Variants in NOTCH1 observed in about 807,000 individuals in gnomAD.
NOTCH1 encodes the protein notch receptor 1, also known as neurogenic locus notch homolog protein 1.
A neutral mutation model predicts 254.8 loss-of-function variants in NOTCH1; 37 were observed. That is an observed-to-expected ratio of 0.15 (90% CI 0.11 to 0.19). The LOEUF (loss-of-function observed/expected upper bound fraction) is 0.19, where lower values mean the gene tolerates loss of function less well. Ranked by LOEUF, NOTCH1 falls within the 10% of genes least tolerant of loss-of-function variation. The pLI is 1.00. For missense variants in NOTCH1, 2,972 were observed against 3,708.6 expected, an observed-to-expected ratio of 0.80 and a Z score of 5.16; for synonymous variants, 1,731 against 1,618.1, an observed-to-expected ratio of 1.07 and a Z score of -1.68.
intron 4 of NOTCH1, among the ~76,000 whole-genome samples, chr9:136,520,290 T>G (rs889276359): frequency 2.0e-5 from 3 of 151,276 alleles, no homozygotes; most frequent in Non-Finnish European, 3.0e-5. Flanking sequence ...CCCGTTGCCC[T>G]TGGAGCTCCC....
chr9:136,515,241 T>C (rs368488467), intron 12 of NOTCH1, 49 bp downstream of exon 12: 1 of 1,569,752 alleles, frequency 6.4e-7, no homozygotes, highest in Non-Finnish European at 8.8e-7. Flanking sequence ...GTGGCTGACC[T>C]TGACCTCTGA....
At position 136,545,646 on chromosome 9, in the gene NOTCH1, C is replaced by T. The variant is rs1843804469; in HGVS notation, c.61+80G>A. 1 of 1,173,110 alleles carries T rather than the reference C, an allele frequency of 8.5e-7. No homozygotes were observed. Among genetic ancestry groups the T allele is most frequent in the Non-Finnish European group, 1.1e-6 (1 of 877,486 alleles). 72.7% of individuals were successfully genotyped at this position (1,173,110 alleles called of 1,614,324 possible). On this transcript the variant is annotated intron_variant, in intron 1 of 33. Transcript: ENST00000651671. The surrounding 1 kb of genome is among the most constrained non-coding windows in gnomAD (Gnocchi z 6.8). ...GGCCTCCCCGCCGCCCGCTCCCAGC[C>T]GTGGGGCGCGCGCGCCGGGCGCCGC...
At chr9:136,535,840 A>G (rs1361620001) in intron 2 of NOTCH1, among the ~76,000 whole-genome samples, 3 of 86,498 alleles carry the variant, frequency 3.5e-5, no homozygotes, top group Non-Finnish European at 4.3e-5. Flanking sequence ...TGGAGGGGGG[A>G]TCACTCAGGA....
In NOTCH1 at chr9:136,519,457, G is replaced by A. The variant is rs376104770; in HGVS notation, c.851C>T (p.Pro284Leu). The A allele has an allele frequency of 9.1e-5, 146 of 1,612,874 alleles. No homozygotes were observed. The highest frequency in any genetic ancestry group is 1.1e-4 in the Non-Finnish European group (132 of 1,179,900). The stretch of plus-strand genomic sequence containing the variant: ...CGTATACGCGCCTGTCCACTCTGGC[G>A]GGCAGCGGCAGTTGTAGGTGTTCAC... ...DGVNTYNCRC[P>L]PEWTGQYCTE... Residue 284 changes from proline to leucine, a missense_variant, in exon 5 of 34, where the codon CCG becomes CTG. Transcript: ENST00000651671.
Position 136,515,719 on chromosome 9 carries a change from G to A in NOTCH1, c.1670-3C>T, listed in dbSNP as rs1161943700. 1 of 1,536,128 alleles carries A rather than the reference G, an allele frequency of 6.5e-7. No individual in the cohort carries two copies. The highest frequency in any genetic ancestry group is 1.2e-5 in the South Asian group (1 of 84,278). On this transcript the variant is annotated splice_region_variant and splice_polypyrimidine_tract_variant and intron_variant, in intron 10 of 33. Transcript: ENST00000651671. The stretch of plus-strand genomic sequence containing the variant: ...CTCGCAGTGCGTCCCCGTGTACCCT[G>A]GACCGTGGGAGGGGCGGGCACAGGA...
chr9:136,529,459 A>G (rs1035470914), intron 2 of NOTCH1, among the ~76,000 whole-genome samples: 16 of 152,174 alleles, frequency 1.1e-4, no homozygotes, highest in African/African-American at 3.9e-4. Flanking sequence ...CTAAGAAATG[A>G]GCTGGGCAGG....
At position 136,507,455 on chromosome 9, in the gene NOTCH1, C is replaced by G. The variant is rs780629106; in HGVS notation, c.3511-18G>C. ...GCCACGCACTGTGCAGGCGACAGAA[C>G]GAGGGGCCCTTCGGCTCAGCCGGCG... On this transcript the variant is annotated intron_variant, in intron 21 of 33. Coordinates refer to ENST00000651671, the MANE Select transcript of NOTCH1 (RefSeq NM_017617.5). The G allele has an allele frequency of 1.9e-6, 3 of 1,593,198 alleles. No individual in the cohort carries two copies. The highest frequency in any genetic ancestry group is 2.3e-5 in the East Asian group (1 of 44,028).
At chr9:136,528,223 G>C (rs575872525) in intron 2 of NOTCH1, among the ~76,000 whole-genome samples, 43 of 145,446 alleles carry the variant, frequency 3.0e-4, no homozygotes, top group African/African-American at 1.0e-3. Flanking sequence ...GGCAGAGGCC[G>C]AGCAGAGGGG....
chr9:136,526,850 G>A (rs1041114513), intron 2 of NOTCH1, among the ~76,000 whole-genome samples: 26 of 152,338 alleles, frequency 1.7e-4, no homozygotes, highest in African/African-American at 5.3e-4. Flanking sequence ...GGTGTCAGAC[G>A]TGGCGGCAGC....
At chr9:136,508,185 G>A in intron 20 of NOTCH1, 46 bp from the exon 21 acceptor site, 1 of 1,608,958 alleles carries the variant, frequency 6.2e-7, no homozygotes, top group Non-Finnish European at 8.5e-7. Flanking sequence ...GGCCCACAGA[G>A]GACCTTGATG....
rs543586029 is a variant in NOTCH1, at chr9:136,508,296, G to A, written c.3261C>T (p.Ser1087=). 18 of 1,612,940 alleles carry A rather than the reference G, an allele frequency of 1.1e-5. No individual in the cohort carries two copies. The highest frequency in any genetic ancestry group is 3.3e-5 in the South Asian group (3 of 91,086). ...CGTCGCAGTAAAGGCCGGTCCAGCC[G>A]CTGGGGCACTCGCAGCGGTACTGGG... ...THTQYRCECP[S]GWTGLYCDVP... Residue 1087 remains serine (S), a synonymous_variant, in exon 20 of 34, where the codon AGC becomes AGT. Transcript: ENST00000651671.
rs1843116019 is a variant in NOTCH1, at chr9:136,508,006, G to A, written c.3459C>T (p.Pro1153=). 1 of 1,612,544 alleles carries A rather than the reference G, an allele frequency of 6.2e-7. No homozygotes were observed. Among genetic ancestry groups the A allele is most frequent in the African/African-American group, 1.3e-5 (1 of 74,946 alleles). The change falls in exon 21 of 34, where the codon CCC becomes CCT. Residue 1153 remains proline (P), a synonymous_variant. Transcript: ENST00000651671. ...EDLVDECSPS[P]CQNGATCTDY... ...CCGTGCAGGTGGCCCCGTTCTGGCA[G>A]GGGCTGGGTGAGCACTCGTCCACCA...
rs1414380652 is a variant in NOTCH1 at position 136,500,572 on chromosome 9, C to T, written c.5914G>A (p.Asp1972Asn). The T allele has an allele frequency of 6.2e-7, 1 of 1,611,476 alleles. No individual in the cohort carries two copies. Among genetic ancestry groups the T allele is most frequent in the Non-Finnish European group, 8.5e-7 (1 of 1,179,894 alleles). The change falls in exon 31 of 34, where the codon GAC becomes AAC. Residue 1972 changes from aspartate (D) to asparagine (N), a missense_variant. Asp to Asn is a conservative substitution (Grantham distance 23). Coordinates refer to ENST00000651671, the MANE Select transcript of NOTCH1 (RefSeq NM_017617.5). ...CCTACCTGGAAGACACCTTGTGCGT[C>T]GGCAGACACAGCCGCATGCAGCGGG... Reference protein sequence around the residue: ...RTPLHAAVSADAQGVFQILIR... With the variant: ...RTPLHAAVSANAQGVFQILIR...
rs777768691 is a variant in NOTCH1, at chr9:136,505,522, C to G, written c.4374G>C (p.Ala1458=). The G allele has an allele frequency of 4.3e-6, 7 of 1,612,494 alleles. No individual in the cohort carries two copies. Among genetic ancestry groups the G allele is most frequent in the Non-Finnish European group, 5.9e-6 (7 of 1,179,916 alleles). ...ACTGCAGGCTGCAGACCTTGTTGCC[C>G]GCGTCCTCCTGGCACTCGGGCAGCT... ...ACELPECQED[A]GNKVCSLQCN... is the part of the protein sequence containing the mutation. The change falls in exon 25 of 34, where the codon GCG becomes GCC. Residue 1458 remains alanine (A), a synonymous_variant. Coordinates refer to ENST00000651671, the MANE Select transcript of NOTCH1 (RefSeq NM_017617.5).
intron 2 of NOTCH1, among the ~76,000 whole-genome samples, chr9:136,537,085 G>A (rs1843668073): frequency 6.6e-6 from 1 of 152,220 alleles, no homozygotes; most frequent in African/African-American, 2.4e-5. Flanking sequence ...GGTTCACCTG[G>A]GAATATGCCA....
chr9:136,495,459 T>C lies in NOTCH1; in HGVS notation c.*612A>G. 1 of 399,554 alleles carries C rather than the reference T, an allele frequency of 2.5e-6. No individual in the cohort carries two copies. The allele number at this position is 399,554 out of a possible 1,614,324, so 24.8% of individuals were successfully genotyped here. A position where few individuals can be genotyped will look rare whatever the true frequency, so the allele number is the denominator to read the frequency against. On this transcript the variant is annotated 3_prime_UTR_variant, in exon 34 of 34. Transcript: ENST00000651671. Reference sequence around the variant, plus strand: ...AAAACACATGGCAACATCTAACCCATATGCTTTCACTTGTTTCCTATTTCA... The same window carrying C: ...AAAACACATGGCAACATCTAACCCACATGCTTTCACTTGTTTCCTATTTCA...
At chr9:136,512,913 A>AAC in intron 15 of NOTCH1, 108 bp downstream of exon 15, 3 of 96,196 alleles carry the variant, frequency 3.1e-5, no homozygotes, top group South Asian at 1.9e-4. Flanking sequence ...GGCCGCCCCC[A>AAC]CCCCTGGCCC....
rs754056142 is a variant in NOTCH1, at chr9:136,507,331, T to C, written c.3617A>G (p.Lys1206Arg). The change falls in exon 22 of 34, where the codon AAG (lysine) becomes AGG (arginine). Residue 1206 changes from lysine to arginine, a missense_variant. Lys to Arg is a conservative substitution (Grantham distance 26, BLOSUM62 2). Coordinates refer to ENST00000651671, the MANE Select transcript of NOTCH1 (RefSeq NM_017617.5). ...CTGAGTGCCCCGTGGGCAGGAGCAC[T>C]TGTAGGTGTTGGGGAGGTCGAGGCA... Reference protein sequence around the residue: ...GTCLDLPNTYKCSCPRGTQGV... With the variant: ...GTCLDLPNTYRCSCPRGTQGV... The C allele has an allele frequency of 6.2e-7, 1 of 1,612,874 alleles. No homozygotes were observed. The highest frequency in any genetic ancestry group is 1.1e-5 in the South Asian group (1 of 91,086).
chr9:136,530,605 G>A (rs1375495739), intron 2 of NOTCH1, among the ~76,000 whole-genome samples: 1 of 152,132 alleles, frequency 6.6e-6, no homozygotes, highest in Non-Finnish European at 1.5e-5. Context: ...AGGCTGTTTG[G>A]AGTGTGAAAA....
Sources: allele counts gnomAD v4.1 joint callset (sites outside exome capture counted in the v4.1 genomes callset), GRCh38; gene constraint gnomAD v4.1.1; non-coding constraint Gnocchi (gnomAD v3.1); transcripts MANE v1.5; gene names NCBI Gene and HGNC (gene_info 2026-07-23, HGNC 2026-07-21).